PDZD8: variants seen among roughly 807,000 people sequenced by gnomAD.
PDZD8 encodes the protein PDZ domain-containing protein 8.
A neutral mutation model predicts 85.8 loss-of-function variants in PDZD8; 14 were observed. The ratio of observed to expected loss-of-function variants is 0.16; its 90% CI spans 0.11 to 0.26. PDZD8 has a LOEUF of 0.26. PDZD8 is among the 10% of genes least tolerant of loss of function. The pLI, the probability that PDZD8 is intolerant of heterozygous loss-of-function variation, is 1.00. For synonymous variants in PDZD8, 592 were observed against 568.6 expected, an observed-to-expected ratio of 1.04 and a Z score of -0.59; for missense variants, 1,197 against 1,424.3, an observed-to-expected ratio of 0.84 and a Z score of 2.57.
chr10:117,283,688 T>C lies in PDZD8; in HGVS notation c.3045A>G (p.Ala1015=). The change falls in exon 5 of 5, where the codon GCA becomes GCG. Residue 1015 remains alanine (A), a synonymous_variant. Coordinates refer to ENST00000334464, the MANE Select transcript of PDZD8 (RefSeq NM_173791.5). ...EGGLDDSVFI[A]VKEIGRDLYR... ...ACAGATCACGACCAATTTCTTTAAC[T>C]GCAATGAAAACACTGTCATCCAGAC... 1 of 1,614,208 alleles carries C rather than the reference T, an allele frequency of 6.2e-7. No individual in the cohort carries two copies. Among genetic ancestry groups the C allele is most frequent in the Non-Finnish European group, 8.5e-7 (1 of 1,180,046 alleles).
rs1844176457 is a variant in PDZD8, at chr10:117,318,887, CCT to C, written c.1081_1082del (p.Arg361GlufsTer4). The part of the protein sequence containing the change: ...LSSSVWEEKQ[R>X]SSIKTVELIK... ...TCCATTTTACCGTCTTAATAGAACT[CCT>C]CTGTTTTTCTTCCCAAACACTACTG... On this transcript the variant is annotated frameshift_variant, in exon 3 of 5. Coordinates refer to ENST00000334464, the MANE Select transcript of PDZD8 (RefSeq NM_173791.5). LOFTEE classifies it high-confidence loss of function. 1 of 1,602,702 alleles carries C rather than the reference CCT, an allele frequency of 6.2e-7. No individual in the cohort carries two copies. Among genetic ancestry groups the C allele is most frequent in the Non-Finnish European group, 8.5e-7 (1 of 1,170,336 alleles).
At chr10:117,350,891 G>GAAA (rs11315947) in intron 1 of PDZD8, among the ~76,000 whole-genome samples, 3,480 of 127,646 alleles carry the variant, frequency 0.027, 164 homozygotes, top group African/African-American at 0.097. Flanking sequence ...GTGACAAAGT[G>GAAA]AAAAAAAAAA....
At chr10:117,333,117 C>CAAAA (rs752527474) in intron 2 of PDZD8, among the ~76,000 whole-genome samples, 127 of 7,256 alleles carry the variant, frequency 0.018, 4 homozygotes, top group African/African-American at 0.03. Flanking sequence ...GACTCTGTCT[C>CAAAA]AAAAAAAAAA....
intron 3 of PDZD8, among the ~76,000 whole-genome samples, chr10:117,301,302 A>G (rs1843843416): frequency 6.6e-6 from 1 of 152,112 alleles, no homozygotes; most frequent in Non-Finnish European, 1.5e-5. Flanking sequence ...ATCATTTTTG[A>G]GGGACCAGTA....
At chr10:117,296,250 T>G (rs1045161840) in intron 3 of PDZD8, among the ~76,000 whole-genome samples, 51 of 152,094 alleles carry the variant, frequency 3.4e-4, no homozygotes, top group African/African-American at 1.1e-3. Context: ...ATCCCAAATC[T>G]ATTACAATAG....
At chr10:117,293,764 T>C (rs929125837) in intron 3 of PDZD8, among the ~76,000 whole-genome samples, 1 of 152,096 alleles carries the variant, frequency 6.6e-6, no homozygotes, top group African/African-American at 2.4e-5. Context: ...AATGGCAAAA[T>C]ACATTCTTTT....
At chr10:117,325,053 G>C (rs1037162812) in intron 2 of PDZD8, among the ~76,000 whole-genome samples, 2 of 152,080 alleles carry the variant, frequency 1.3e-5, no homozygotes, top group Non-Finnish European at 2.9e-5. Flanking sequence ...CTGGAATCTC[G>C]TATTTTCAGA....
chr10:117,309,408 AC>A (rs1843997995), intron 3 of PDZD8, among the ~76,000 whole-genome samples: 2 of 151,730 alleles, frequency 1.3e-5, no homozygotes, highest in South Asian at 2.1e-4. Flanking sequence ...AAAAAAAAAA[AC>A]ATAGTAGATC....
chr10:117,303,503 T>C (rs1188687973), intron 3 of PDZD8, among the ~76,000 whole-genome samples: 1 of 152,196 alleles, frequency 6.6e-6, no homozygotes, highest in African/African-American at 2.4e-5. Context: ...ATCCATTTTG[T>C]GGGGAGAAAT....
chr10:117,325,362 G>T (rs1405438001), intron 2 of PDZD8, among the ~76,000 whole-genome samples: 1 of 148,096 alleles, frequency 6.8e-6, no homozygotes, highest in Non-Finnish European at 1.5e-5. Context: ...AAGTCTAAAA[G>T]ACTTATTTGA....
intron 1 of PDZD8, among the ~76,000 whole-genome samples, chr10:117,361,042 GTGA>G (rs1170740518): frequency 1.3e-5 from 2 of 152,162 alleles, no homozygotes; most frequent in South Asian, 2.1e-4. Context: ...AGCTGTGAGG[GTGA>G]TGATGTCACC....
chr10:117,352,397 G>C (rs556739370), intron 1 of PDZD8, among the ~76,000 whole-genome samples: 1 of 152,286 alleles, frequency 6.6e-6, no homozygotes, highest in South Asian at 2.1e-4. Flanking sequence ...GGCTTTCTCA[G>C]TATGTAGTAG....
intron 4 of PDZD8, among the ~76,000 whole-genome samples, chr10:117,288,960 G>A (rs554599692): frequency 7.9e-5 from 12 of 152,170 alleles, no homozygotes; most frequent in Admixed American, 2.0e-4. Flanking sequence ...AAAAAAGACC[G>A]AAAAAATTAA....
Position 117,283,196 on chromosome 10 carries a change from A to G in PDZD8, c.*72T>C, listed in dbSNP as rs1011532960. ...GGCCAGAGTGCATACGAGGATTTAA[A>G]CATGGTTGTATCTGTGGTACTTTAG... On this transcript the variant is annotated 3_prime_UTR_variant, in exon 5 of 5. Coordinates refer to ENST00000334464, the MANE Select transcript of PDZD8 (RefSeq NM_173791.5). The G allele has an allele frequency of 3.5e-6, 5 of 1,436,222 alleles. No homozygotes were observed. The African/African-American group carries it at 7.1e-5, about 21-fold the overall frequency. 89.0% of individuals were successfully genotyped at this position (1,436,222 alleles called of 1,614,324 possible).
chr10:117,291,660 C>G (rs912791869), intron 3 of PDZD8, among the ~76,000 whole-genome samples: 2 of 151,608 alleles, frequency 1.3e-5, no homozygotes, highest in Non-Finnish European at 2.9e-5. Flanking sequence ...ACCTGGGCAA[C>G]ATGGTGAGAC....
At position 117,347,145 on chromosome 10, in the gene PDZD8, C is replaced by T. The variant is rs73391183; in HGVS notation, c.873-6043G>A. On this transcript the variant is annotated intron_variant, in intron 1 of 4. Transcript: ENST00000334464. Reference sequence around the variant, plus strand: ...GGGTATATACCCCAGACAATGGAACCGTTTCATTAACATCAACACAGATGC... The same window carrying T: ...GGGTATATACCCCAGACAATGGAACTGTTTCATTAACATCAACACAGATGC... 2.4e-3 allele frequency among the ~76,000 whole-genome samples: 359 copies of T among 151,992 alleles called. 2 individuals are homozygous for T. The highest frequency in any genetic ancestry group is 8.1e-3 in the African/African-American group (337 of 41,460).
chr10:117,364,071 T>G (rs1211812246), intron 1 of PDZD8, among the ~76,000 whole-genome samples: 1 of 152,148 alleles, frequency 6.6e-6, no homozygotes, highest in Non-Finnish European at 1.5e-5. Flanking sequence ...GTGTTTAGTA[T>G]TTTGTTTGTG....
chr10:117,365,934 C>T (rs1394454172), intron 1 of PDZD8, among the ~76,000 whole-genome samples: 1 of 151,974 alleles, frequency 6.6e-6, no homozygotes, highest in African/African-American at 2.4e-5. Context: ...CAGTATTTAA[C>T]TTTTAAACAA....
At chr10:117,333,121 A>AAAAAACAAAC (rs1191675009) in intron 2 of PDZD8, among the ~76,000 whole-genome samples, 9 of 137,586 alleles carry the variant, frequency 6.5e-5, no homozygotes, top group Non-Finnish European at 1.1e-4. Context: ...CTGTCTCAAA[A>AAAAAACAAAC]AAAAAAAAAA....
Sources: allele counts gnomAD v4.1 joint callset (sites outside exome capture counted in the v4.1 genomes callset), GRCh38; gene constraint gnomAD v4.1.1; transcripts MANE v1.5; gene names NCBI Gene and HGNC (gene_info 2026-07-23, HGNC 2026-07-21).